Variants in CHRM5 observed in about 807,000 individuals in gnomAD.
CHRM5 encodes the protein cholinergic receptor muscarinic 5.
Under a neutral mutation model 39.0 loss-of-function variants are expected in CHRM5, and 18 were observed. That is an observed-to-expected ratio of 0.46 (90% CI 0.32 to 0.68). CHRM5 has a LOEUF of 0.68. Among genes scored for constraint, CHRM5 ranks in the 30% least tolerant of loss-of-function variants. The pLI is 0.04. For synonymous variants in CHRM5, 241 were observed against 246.3 expected (o/e 0.98, Z 0.20); for missense variants, 515 against 651.1 (o/e 0.79, Z 2.28).
At chr15:33,990,703 A>G (rs181830256) in intron 1 of CHRM5, 1 of 152,368 alleles carries the variant, frequency 6.6e-6, no homozygotes, top group East Asian at 1.9e-4. Flanking sequence ...AAATGGTGAT[A>G]GTGAAAACAA....
At chr15:34,054,427 C>T (rs190021565) in intron 2 of CHRM5, among the ~76,000 whole-genome samples, 6 of 152,244 alleles carry the variant, frequency 3.9e-5, no homozygotes, top group Admixed American at 6.5e-5. Context: ...TAGAATCAAT[C>T]TAAATGCCCA....
rs1450182993 is a variant in CHRM5, at chr15:34,037,124, AAT to A, written c.-407-9410_-407-9409del. 4.4e-4 allele frequency among the ~76,000 whole-genome samples: 66 copies of A among 150,714 alleles called. 1 individual carries two copies. In the South Asian group the frequency reaches 4.8e-3, roughly 11 times the overall value. Reference sequence around the variant, plus strand: ...AACTCCGTCTCAAAAAAAAAAAAAAAATATATACCATCATTTCACCCAATTTA... The same window carrying A: ...AACTCCGTCTCAAAAAAAAAAAAAAAATATACCATCATTTCACCCAATTTA... On this transcript the variant is annotated intron_variant, in intron 1 of 2. Coordinates refer to ENST00000383263, the MANE Select transcript of CHRM5 (RefSeq NM_012125.4).
chr15:34,054,336 C>T lies in CHRM5; in HGVS notation c.-76+7465C>T, dbSNP rs563274456. Among the ~76,000 whole-genome samples, 23 of 152,176 alleles carry T rather than the reference C, an allele frequency of 1.5e-4. 1 individual carries two copies. The highest frequency in any genetic ancestry group is 1.3e-3 in the Admixed American group (20 of 15,280). ...AGTAATCTCATTACTGAGTATATAC[C>T]CAAGGGACTATAAATCATTCTATCA... On this transcript the variant is annotated intron_variant, in intron 2 of 2. Coordinates refer to ENST00000383263, the MANE Select transcript of CHRM5 (RefSeq NM_012125.4).
At chr15:34,039,056 G>A in intron 1 of CHRM5, 2 of 1,096,068 alleles carry the variant, frequency 1.8e-6, no homozygotes, top group Admixed American at 1.0e-4. Context: ...TCTGGCCGCC[G>A]CTGGCGGTGC....
At chr15:33,982,059 A>G (rs12438680) in intron 1 of CHRM5, among the ~76,000 whole-genome samples, 37,633 of 150,476 alleles carry the variant, frequency 0.25, 6,329 homozygotes, top group African/African-American at 0.46. Context: ...TAGAGACAAG[A>G]TTTCACCACA....
rs756338046 is a variant in CHRM5, at chr15:34,063,810, CCAG to C, written c.1098_1100del (p.Ala368del). 115 of 1,614,088 alleles carry C rather than the reference CCAG, an allele frequency of 7.1e-5. No homozygotes were observed. The highest frequency in any genetic ancestry group is 9.2e-5 in the Non-Finnish European group (109 of 1,180,050). ...TGACACCCCAAACTACCTTCTGTCT[CCAG>C]CAGCTGCTCATAGACCCAAGAGTCA... On this transcript the variant is annotated inframe_deletion, in exon 3 of 3. Transcript: ENST00000383263. The surrounding 1 kb of genome is among the most constrained non-coding windows in gnomAD (Gnocchi z 4.1).
At chr15:34,032,659 C>T (rs536631026) in intron 1 of CHRM5, among the ~76,000 whole-genome samples, 85 of 152,256 alleles carry the variant, frequency 5.6e-4, no homozygotes, top group African/African-American at 2.0e-3. Flanking sequence ...AGTATATGAG[C>T]AGTATGTTTT....
chr15:34,027,024 A>G (rs1898509581), intron 1 of CHRM5, among the ~76,000 whole-genome samples: 1 of 152,232 alleles, frequency 6.6e-6, no homozygotes, highest in South Asian at 2.1e-4. Flanking sequence ...TACTTCCAGA[A>G]TGATAAAGAC....
intron 1 of CHRM5, among the ~76,000 whole-genome samples, chr15:34,022,841 T>C (rs1180458130): frequency 6.6e-6 from 1 of 152,206 alleles, no homozygotes; most frequent in Admixed American, 6.5e-5. Context: ...GCTACCTCTG[T>C]ACCACCACTG....
intron 2 of CHRM5, among the ~76,000 whole-genome samples, chr15:34,061,148 T>C (rs1215777525): frequency 6.6e-6 from 1 of 152,182 alleles, no homozygotes; most frequent in African/African-American, 2.4e-5. Flanking sequence ...GTAGCAGTGG[T>C]TACCTCTGAA....
intron 1 of CHRM5, among the ~76,000 whole-genome samples, chr15:33,987,185 T>G (rs1469542610): frequency 6.6e-6 from 1 of 152,218 alleles, no homozygotes; most frequent in Non-Finnish European, 1.5e-5. Context: ...GGATATTCTT[T>G]CCATCCCACT....
intron 1 of CHRM5, among the ~76,000 whole-genome samples, chr15:33,973,236 GTTCT>G (rs1895716204): frequency 6.6e-6 from 1 of 152,106 alleles, no homozygotes; most frequent in Non-Finnish European, 1.5e-5. Flanking sequence ...TGAATAATGT[GTTCT>G]TTAAGAAGCA....
At chr15:33,983,160 ATGTGTGTGTG>A (rs1491327104) in intron 1 of CHRM5, among the ~76,000 whole-genome samples, 11 of 64,580 alleles carry the variant, frequency 1.7e-4, no homozygotes, top group East Asian at 7.5e-4. Flanking sequence ...GTGTGTGTGT[ATGTGTGTGTG>A]TATATATACA....
chr15:34,041,702 C>T (rs973862747), intron 1 of CHRM5, among the ~76,000 whole-genome samples: 2 of 152,150 alleles, frequency 1.3e-5, no homozygotes, highest in African/African-American at 4.8e-5. Flanking sequence ...TGATACTATT[C>T]TAAGCACTTT....
At position 34,063,022 on chromosome 15, in the gene CHRM5, C is replaced by T. The variant is rs371168058; in HGVS notation, c.305C>T (p.Ala102Val). Reference sequence around the variant, plus strand: ...GGACGCTGGGCTCTCGGGAGTCTGGCTTGTGACCTTTGGCTTGCACTGGAC... The same window carrying T: ...GGACGCTGGGCTCTCGGGAGTCTGGTTTGTGACCTTTGGCTTGCACTGGAC... ...LMGRWALGSL[A>V]CDLWLALDYV... The change falls in exon 3 of 3, where the codon GCT becomes GTT. Residue 102 changes from alanine to valine, a missense_variant. Transcript: ENST00000383263. This position sits in a 1 kb window ranked among gnomAD's most constrained non-coding sequence, Gnocchi z 4.1. 8 of 1,614,252 alleles carry T rather than the reference C, an allele frequency of 5.0e-6. No homozygotes were observed. Among genetic ancestry groups the T allele is most frequent in the Non-Finnish European group, 6.8e-6 (8 of 1,180,036 alleles).
intron 2 of CHRM5, among the ~76,000 whole-genome samples, chr15:34,049,204 G>A (rs1214765569): frequency 6.6e-6 from 1 of 152,230 alleles, no homozygotes; most frequent in Non-Finnish European, 1.5e-5. Flanking sequence ...CTGAAGCTGA[G>A]ATGGCTGAAT....
At chr15:33,981,247 G>A (rs1402630517) in intron 1 of CHRM5, among the ~76,000 whole-genome samples, 4 of 152,090 alleles carry the variant, frequency 2.6e-5, no homozygotes, top group East Asian at 1.9e-4. Flanking sequence ...TTCACTTTCC[G>A]CATGCACAGT....
chr15:34,006,243 G>A (rs969597447), intron 1 of CHRM5, among the ~76,000 whole-genome samples: 3 of 152,138 alleles, frequency 2.0e-5, no homozygotes, highest in East Asian at 3.9e-4. Flanking sequence ...TCCAGGAGGC[G>A]GAGTTTGCAG....
chr15:33,973,936 A>G (rs1376214936), intron 1 of CHRM5, among the ~76,000 whole-genome samples: 1 of 152,216 alleles, frequency 6.6e-6, no homozygotes, highest in Admixed American at 6.5e-5. Flanking sequence ...GCTGCATTTC[A>G]CTGATAATAG....
Sources: allele counts gnomAD v4.1 joint callset (sites outside exome capture counted in the v4.1 genomes callset), GRCh38; gene constraint gnomAD v4.1.1; non-coding constraint Gnocchi (gnomAD v3.1); transcripts MANE v1.5; gene names NCBI Gene and HGNC (gene_info 2026-07-23, HGNC 2026-07-21).